NXPH1: variants seen among roughly 807,000 people sequenced by gnomAD.
NXPH1 encodes the protein neurexophilin-1.
Under a neutral mutation model 23.7 loss-of-function variants are expected in NXPH1, and 5 were observed. The observed-to-expected ratio is 0.21, with a 90% CI of 0.11 to 0.44. The LOEUF is 0.44. Among genes scored for constraint, NXPH1 ranks in the 20% least tolerant of loss-of-function variants. The pLI, the probability that NXPH1 is intolerant of heterozygous loss-of-function variation, is 0.99. For synonymous variants in NXPH1, 144 were observed against 122.2 expected, an observed-to-expected ratio of 1.18 and a Z score of -1.18; for missense variants, 324 against 321.6, an observed-to-expected ratio of 1.01 and a Z score of -0.06.
chr7:8,497,490 T>C (rs1817357102), intron 2 of NXPH1, among the ~76,000 whole-genome samples: 1 of 152,152 alleles, frequency 6.6e-6, no homozygotes, highest in Non-Finnish European at 1.5e-5. Flanking sequence ...AGTGTAAAAG[T>C]CTTCCTATTT....
chr7:8,513,754 C>T (rs917041351), intron 2 of NXPH1, among the ~76,000 whole-genome samples: 1 of 152,116 alleles, frequency 6.6e-6, no homozygotes, highest in Non-Finnish European at 1.5e-5. Context: ...TTCAAGAGAA[C>T]CACCTATGTC....
At chr7:8,607,196 G>A (rs1819513210) in intron 2 of NXPH1, among the ~76,000 whole-genome samples, 1 of 152,084 alleles carries the variant, frequency 6.6e-6, no homozygotes, top group Non-Finnish European at 1.5e-5. Context: ...AAATTTAGTA[G>A]CAATAATTGG....
At chr7:8,667,561 GA>G (rs915338941) in intron 2 of NXPH1, among the ~76,000 whole-genome samples, 10 of 151,380 alleles carry the variant, frequency 6.6e-5, no homozygotes, top group Non-Finnish European at 4.4e-5. Context: ...ATTCTAGCCT[GA>G]TTGGAACTCT....
chr7:8,710,608 A>G (rs1378693587), intron 2 of NXPH1, among the ~76,000 whole-genome samples: 1 of 141,126 alleles, frequency 7.1e-6, no homozygotes, highest in Non-Finnish European at 1.6e-5. Context: ...GTTTTTCTAC[A>G]TGGTTGTTGA....
chr7:8,482,438 A>T (rs537377128), intron 2 of NXPH1, among the ~76,000 whole-genome samples: 17 of 152,244 alleles, frequency 1.1e-4, no homozygotes, highest in Non-Finnish European at 1.8e-4. Flanking sequence ...TTTATATGGC[A>T]CTGGGAGTCT....
At position 8,593,939 on chromosome 7, in the gene NXPH1, C is replaced by G. The variant is rs137898691; in HGVS notation, c.55-157069C>G. Among the ~76,000 whole-genome samples the G allele has an allele frequency of 2.8e-3, 431 of 152,134 alleles. 2 individuals are homozygous for G. Among genetic ancestry groups the G allele is most frequent in the African/African-American group, 9.9e-3 (411 of 41,516 alleles). On this transcript the variant is annotated intron_variant, in intron 2 of 2. Coordinates refer to ENST00000405863, the MANE Select transcript of NXPH1 (RefSeq NM_152745.3). ...AATACATATATTTTTACAAACATTT[C>G]AGCTTATGATAACATTTTTAGACAT...
At chr7:8,486,336 C>T (rs1354352504) in intron 2 of NXPH1, among the ~76,000 whole-genome samples, 1 of 152,158 alleles carries the variant, frequency 6.6e-6, no homozygotes, top group Non-Finnish European at 1.5e-5. Context: ...GAAGCAAGGC[C>T]TTGGTTCTGA....
intron 2 of NXPH1, among the ~76,000 whole-genome samples, chr7:8,623,880 C>A (rs1211565558): frequency 6.6e-6 from 1 of 152,008 alleles, no homozygotes; most frequent in East Asian, 1.9e-4. Context: ...GTCACCCCAT[C>A]CCTATCTCTG....
intron 2 of NXPH1, among the ~76,000 whole-genome samples, chr7:8,441,767 G>A (rs958879134): frequency 6.6e-6 from 1 of 152,204 alleles, no homozygotes; most frequent in East Asian, 1.9e-4. Context: ...GCGCGTTTGC[G>A]CATTTTCCAA....
chr7:8,701,030 C>A (rs947022103), intron 2 of NXPH1, among the ~76,000 whole-genome samples: 1 of 152,038 alleles, frequency 6.6e-6, no homozygotes, highest in East Asian at 1.9e-4. Flanking sequence ...GAAAGTTTCA[C>A]CACTCTCTCA....
chr7:8,584,611 T>C (rs192422096), intron 2 of NXPH1, among the ~76,000 whole-genome samples: 5 of 152,284 alleles, frequency 3.3e-5, no homozygotes, highest in Admixed American at 2.0e-4. Flanking sequence ...TAAAGTGATA[T>C]GGAAATATGA....
chr7:8,736,548 A>T (rs557895548), intron 2 of NXPH1, among the ~76,000 whole-genome samples: 1 of 152,314 alleles, frequency 6.6e-6, no homozygotes, highest in South Asian at 2.1e-4. Context: ...TTTACTTTCA[A>T]TTATGTAGTC....
rs1043837675 is a variant in NXPH1 at position 8,620,821 on chromosome 7, G to A, written c.55-130187G>A. Among the ~76,000 whole-genome samples, 10 of 152,088 alleles carry A rather than the reference G, an allele frequency of 6.6e-5. No homozygotes were observed. The East Asian group carries it at 1.9e-3, about 29-fold the overall frequency. ...AAAATTCTAATTTGTCACTTTAAAGGCCTCATGGGGACAAGGACGATTTAG... is the reference window on the plus strand; with the variant it reads ...AAAATTCTAATTTGTCACTTTAAAGACCTCATGGGGACAAGGACGATTTAG... On this transcript the variant is annotated intron_variant, in intron 2 of 2. Coordinates refer to ENST00000405863, the MANE Select transcript of NXPH1 (RefSeq NM_152745.3).
chr7:8,526,186 C>T (rs2128616600), intron 2 of NXPH1, among the ~76,000 whole-genome samples: 1 of 152,344 alleles, frequency 6.6e-6, no homozygotes, highest in African/African-American at 2.4e-5. Context: ...CAAAGGATAT[C>T]ATTTTGGAGC....
intron 2 of NXPH1, among the ~76,000 whole-genome samples, chr7:8,515,041 G>A (rs187646164): frequency 2.6e-5 from 4 of 152,084 alleles, no homozygotes; most frequent in African/African-American, 7.2e-5. Context: ...AGTGATGCCT[G>A]TGTGTATGTG....
chr7:8,709,182 A>G (rs1779748700), intron 2 of NXPH1, among the ~76,000 whole-genome samples: 1 of 151,682 alleles, frequency 6.6e-6, no homozygotes, highest in Non-Finnish European at 1.5e-5. Context: ...TTGTTGGTTG[A>G]TCTCATTTCC....
intron 2 of NXPH1, among the ~76,000 whole-genome samples, chr7:8,699,542 G>A (rs1045939742): frequency 2.6e-5 from 4 of 152,080 alleles, no homozygotes; most frequent in Middle Eastern, 3.2e-3. Context: ...ACAGTTTTGT[G>A]AGCCATTGTC....
At chr7:8,443,543 G>T (rs1816343003) in intron 2 of NXPH1, among the ~76,000 whole-genome samples, 1 of 152,260 alleles carries the variant, frequency 6.6e-6, no homozygotes. Context: ...CGCCTTCCAG[G>T]CTAAGGCGCC....
chr7:8,720,782 C>G (rs1779958218), intron 2 of NXPH1, among the ~76,000 whole-genome samples: 1 of 152,206 alleles, frequency 6.6e-6, no homozygotes, highest in Non-Finnish European at 1.5e-5. Flanking sequence ...CCTATATGCT[C>G]AAACCAAGGA....
Sources: allele counts gnomAD v4.1 joint callset (sites outside exome capture counted in the v4.1 genomes callset), GRCh38; gene constraint gnomAD v4.1.1; transcripts MANE v1.5; gene names NCBI Gene and HGNC (gene_info 2026-07-23, HGNC 2026-07-21).